The following OGFOD3 variants were observed in gnomAD, a reference collection of about 807,000 sequenced individuals.
The protein encoded by OGFOD3 is 2-oxoglutarate and iron-dependent oxygenase domain-containing protein 3.
OGFOD3 carries 35 observed loss-of-function variants against 39.8 expected under a neutral mutation model. The ratio of observed to expected loss-of-function variants is 0.88; its 90% CI spans 0.67 to 1.17. The LOEUF (loss-of-function observed/expected upper bound fraction) is 1.17. OGFOD3 is among the 50% of genes most tolerant of loss of function. The probability of loss-of-function intolerance (pLI) is 0.00; values close to 1 mark genes in which losing one functional copy is unlikely to be tolerated. For synonymous variants in OGFOD3, 200 were observed against 192.0 expected (o/e 1.04, Z -0.34); for missense variants, 438 against 454.5 (o/e 0.96, Z 0.33).
intron 8 of OGFOD3, among the ~76,000 whole-genome samples, chr17:82,395,651 C>T (rs1267061030): frequency 6.6e-6 from 1 of 152,116 alleles, no homozygotes; most frequent in Non-Finnish European, 1.5e-5. Flanking sequence ...GAAACCCCGT[C>T]TCTACTAAAA....
Position 82,404,971 on chromosome 17 carries a change from C to T in OGFOD3, c.545+353G>A, listed in dbSNP as rs1390880350. 1.3e-5 allele frequency among the ~76,000 whole-genome samples: 2 copies of T among 152,132 alleles called. No individual in the cohort carries two copies. The highest frequency in any genetic ancestry group is 4.8e-5 in the African/African-American group (2 of 41,422). ...GGCTAGGCTGGTCTCGAACTCCTGA[C>T]CTCAGGTGATCCACCCGCCTCGCCT... On this transcript the variant is annotated intron_variant, in intron 6 of 8. Transcript: ENST00000313056. The surrounding 1 kb of genome is among the most constrained non-coding windows in gnomAD (Gnocchi z 4.5).
intron 7 of OGFOD3, 42 bp from the exon 8 acceptor site, chr17:82,398,361 G>A (rs1434463846): frequency 6.2e-7 from 1 of 1,612,284 alleles, no homozygotes; most frequent in Non-Finnish European, 8.5e-7. Flanking sequence ...TGGGCTCTCA[G>A]CATGCGACCA....
intron 4 of OGFOD3, 114 bp downstream of exon 4, chr17:82,409,254 C>A: frequency 1.9e-6 from 2 of 1,053,390 alleles, no homozygotes; most frequent in Non-Finnish European, 2.9e-6. Flanking sequence ...GCAGGCCCCA[C>A]CCACATTTGG....
chr17:82,397,438 GT>G, intron 8 of OGFOD3, among the ~76,000 whole-genome samples: 2 of 145,678 alleles, frequency 1.4e-5, no homozygotes, highest in African/African-American at 2.5e-5. Context: ...CTGGGGATGG[GT>G]GAGGCAGTGG....
Position 82,411,451 on chromosome 17 carries a change from TTACCTGCG to T in OGFOD3, c.376_380+3del. 1.2e-6 allele frequency: 2 copies of T among 1,613,846 alleles called. No individual in the cohort carries two copies. The highest frequency in any genetic ancestry group is 1.7e-6 in the Non-Finnish European group (2 of 1,179,760). On this transcript the variant is annotated splice_donor_variant and splice_donor_region_variant and coding_sequence_variant and intron_variant, in exon 3 of 9. Coordinates refer to ENST00000313056, the MANE Select transcript of OGFOD3 (RefSeq NM_024648.3). LOFTEE classifies it high-confidence loss of function. Reference sequence around the variant, plus strand: ...TCCCACCGTGCTCAGGGACAGGCGGTTACCTGCGAATCCGCTCCGCTTCCTCCCTGGTG... The same window carrying T: ...TCCCACCGTGCTCAGGGACAGGCGGTAATCCGCTCCGCTTCCTCCCTGGTG...
intron 2 of OGFOD3, among the ~76,000 whole-genome samples, chr17:82,414,564 G>A (rs1037977695): frequency 6.6e-6 from 1 of 152,212 alleles, no homozygotes; most frequent in Admixed American, 6.5e-5. Flanking sequence ...AAGAAAGAGA[G>A]AGCACCCACA....
chr17:82,398,380 G>A, intron 7 of OGFOD3, 61 bp from the exon 8 acceptor site: 1 of 1,592,752 alleles, frequency 6.3e-7, no homozygotes, highest in Non-Finnish European at 8.6e-7. Context: ...CAGGGCAGGT[G>A]CTGCTTCTCT....
intron 8 of OGFOD3, among the ~76,000 whole-genome samples, chr17:82,397,087 G>A (rs78796967): frequency 0.024 from 3,653 of 152,266 alleles, 63 homozygotes; most frequent in Non-Finnish European, 0.039. Flanking sequence ...ACAGGTGGTC[G>A]TGGAAAGAGA....
intron 7 of OGFOD3, chr17:82,400,897 A>C (rs2052752714): frequency 2.0e-5 from 3 of 152,180 alleles, no homozygotes; most frequent in African/African-American, 7.2e-5. Flanking sequence ...TTTCCTGATG[A>C]GCAGACAAAA....
intron 3 of OGFOD3, among the ~76,000 whole-genome samples, chr17:82,410,433 C>T (rs927020415): frequency 6.6e-6 from 1 of 152,226 alleles, no homozygotes; most frequent in Non-Finnish European, 1.5e-5. Flanking sequence ...CACCAGTAGC[C>T]TCTGAGTGGC....
At position 82,417,894 on chromosome 17, in the gene OGFOD3, G is replaced by T. The variant is rs74001682; in HGVS notation, c.74+518C>A. On this transcript the variant is annotated intron_variant, in intron 1 of 8. Coordinates refer to ENST00000313056, the MANE Select transcript of OGFOD3 (RefSeq NM_024648.3). The stretch of plus-strand genomic sequence containing the variant: ...GCAAGCGAGAAGCTGTATTCTGCAC[G>T]TTAGAGGCTCCTTCACTAATACCTG... 5.6e-3 allele frequency among the ~76,000 whole-genome samples: 858 copies of T among 152,270 alleles called. 9 individuals carry two copies. The highest frequency in any genetic ancestry group is 0.019 in the African/African-American group (804 of 41,552).
Position 82,418,440 on chromosome 17 carries a change from C to G in OGFOD3, c.46G>C (p.Gly16Arg), listed in dbSNP as rs1188252081. Residue 16 changes from glycine to arginine, a missense_variant, in exon 1 of 9, where the codon GGA becomes CGA. Transcript: ENST00000313056. The part of the protein sequence containing the change: ...RAATKAPEGN[G>R]AAERRNRSST... ...CTCCGGTTCCGGCGCTCGGCCGCTC[C>G]GTTGCCCTCGGGCGCCTTGGTTGCG... 1 of 1,478,086 alleles carries G rather than the reference C, an allele frequency of 6.8e-7. No homozygotes were observed. The allele number at this position is 1,478,086 out of a possible 1,614,324, so 91.6% of individuals were successfully genotyped here. A position where few individuals can be genotyped will look rare whatever the true frequency, so the allele number is the denominator to read the frequency against.
At chr17:82,416,082 A>AG (rs1327925905) in intron 1 of OGFOD3, among the ~76,000 whole-genome samples, 23 of 151,794 alleles carry the variant, frequency 1.5e-4, no homozygotes, top group African/African-American at 5.1e-4. Flanking sequence ...CAAAAAAAAA[A>AG]AAAATTAACC....
intron 3 of OGFOD3, among the ~76,000 whole-genome samples, chr17:82,411,206 C>T (rs1020067755): frequency 6.6e-6 from 1 of 151,284 alleles, no homozygotes; most frequent in Non-Finnish European, 1.5e-5. Flanking sequence ...GCCACCACAC[C>T]CAGCTAATTT....
At position 82,391,152 on chromosome 17, in the gene OGFOD3, C is replaced by A. The variant is rs553774799; in HGVS notation, c.*1246G>T. 5 of 153,260 alleles carry A rather than the reference C, an allele frequency of 3.3e-5. No homozygotes were observed. The highest frequency in any genetic ancestry group is 2.6e-4 in the Admixed American group (4 of 15,320). 9.5% of individuals were successfully genotyped at this position (153,260 alleles called of 1,614,324 possible). On this transcript the variant is annotated 3_prime_UTR_variant, in exon 9 of 9. Transcript: ENST00000313056. The surrounding 1 kb of genome is among the most constrained non-coding windows in gnomAD (Gnocchi z 5.1). ...CTCTCCCCAGGCAGCTGGGTCAGGG[C>A]ATCCAGGAGAGCCCAGCTTCCAACA...
intron 7 of OGFOD3, among the ~76,000 whole-genome samples, chr17:82,401,824 C>CAAAAAAAAAAAAAAAAA (rs2052771519): frequency 2.1e-5 from 2 of 96,098 alleles, no homozygotes; most frequent in African/African-American, 3.8e-5. Flanking sequence ...AAAAAAAAAA[C>CAAAAAAAAAAAAAAAAA]AAAGACTGCC....
rs545301806 is a variant in OGFOD3 at position 82,398,184 on chromosome 17, C to A, written c.823+12G>T. ...AGGAGCCCCACGCCCAGGCCCCGCCCGCGCCTCCTACCAGCTCTCGGCTCC... is the reference window on the plus strand; with the variant it reads ...AGGAGCCCCACGCCCAGGCCCCGCCAGCGCCTCCTACCAGCTCTCGGCTCC... On this transcript the variant is annotated intron_variant, in intron 8 of 8. Transcript: ENST00000313056. The A allele has an allele frequency of 8.7e-6, 14 of 1,613,806 alleles. No individual in the cohort carries two copies. Among genetic ancestry groups the A allele is most frequent in the Non-Finnish European group, 1.1e-5 (13 of 1,179,926 alleles).
intron 7 of OGFOD3, among the ~76,000 whole-genome samples, chr17:82,402,701 C>T (rs563137302): frequency 5.9e-5 from 9 of 151,674 alleles, no homozygotes; most frequent in Non-Finnish European, 1.0e-4. Flanking sequence ...GAGCTGAAAT[C>T]GCACCATTGC....
chr17:82,398,535 G>A (rs545238307), intron 7 of OGFOD3, among the ~76,000 whole-genome samples: 2 of 152,056 alleles, frequency 1.3e-5, no homozygotes, highest in East Asian at 3.9e-4. Context: ...GAGTAGCTGG[G>A]GCTACAGGCA....
Sources: gnomAD v4.1 joint callset for allele counts (sites outside exome capture counted in the v4.1 genomes callset) on GRCh38, gnomAD v4.1.1 for gene constraint, Gnocchi (gnomAD v3.1) non-coding constraint, MANE v1.5 for transcripts, NCBI Gene and HGNC (gene_info 2026-07-23, HGNC 2026-07-21) for gene names.